USH2A: variants seen among roughly 807,000 people sequenced by gnomAD.
USH2A encodes the protein Usher syndrome 2A (autosomal recessive, mild).
In USH2A, 443 loss-of-function variants were observed where a neutral mutation model predicts 538.9. The observed-to-expected ratio is 0.82, with a 90% confidence interval of 0.76 to 0.89. USH2A has a LOEUF of 0.89. USH2A is among the 40% of genes least tolerant of loss of function. The pLI is 0.00. For synonymous variants in USH2A, 2,413 were observed against 2,273.5 expected (o/e 1.06, Z -1.75); for missense variants, 6,633 against 6,324.8 (o/e 1.05, Z -1.65).
Position 216,084,562 on chromosome 1 carries a change from C to A in USH2A, c.5167+136G>T. 5 of 849,028 alleles carry A rather than the reference C, an allele frequency of 5.9e-6. No homozygotes were observed. The South Asian group carries it at 8.3e-5, about 14-fold the overall frequency. The allele number at this position is 849,028 out of a possible 1,614,324, so 52.6% of individuals were successfully genotyped here. A position where few individuals can be genotyped will look rare whatever the true frequency, so the allele number is the denominator to read the frequency against. On this transcript the variant is annotated intron_variant, in intron 25 of 71. Transcript: ENST00000307340. ...CAGATGTCAAGAATATATTTGTGTG[C>A]ACCATTGGAATAACTAAGTATTTCT...
intron 3 of USH2A, among the ~76,000 whole-genome samples, chr1:216,375,647 G>A (rs897168095): frequency 3.3e-5 from 5 of 151,992 alleles, no homozygotes; most frequent in Admixed American, 2.0e-4. Context: ...TCATTTTTGT[G>A]GTCATTAGAG....
At chr1:215,836,505 ATTATATATATATAATATATATT>A (rs1663513166) in intron 47 of USH2A, among the ~76,000 whole-genome samples, 1 of 16,806 alleles carries the variant, frequency 6.0e-5, no homozygotes, top group African/African-American at 2.2e-4. Flanking sequence ...TATAATATAT[ATTATATATATATAATATATATT>A]ATATATATAT....
chr1:216,415,307 T>A (rs1239127999), intron 3 of USH2A, among the ~76,000 whole-genome samples: 1 of 152,044 alleles, frequency 6.6e-6, no homozygotes, highest in South Asian at 2.1e-4. Context: ...ATGACTCAGT[T>A]TGAGACGTCA....
chr1:215,760,315 C>T (rs982721407), intron 56 of USH2A, among the ~76,000 whole-genome samples: 35 of 152,214 alleles, frequency 2.3e-4, no homozygotes, highest in African/African-American at 6.0e-4. Context: ...ATCTCTTCCC[C>T]TCCTGGACCT....
intron 34 of USH2A, among the ~76,000 whole-genome samples, chr1:215,994,747 C>A (rs1271919674): frequency 6.6e-6 from 1 of 152,110 alleles, no homozygotes. Flanking sequence ...CAAACTCTGA[C>A]TCAAAGCTTT....
chr1:216,149,072 C>T (rs1027059963), intron 21 of USH2A, among the ~76,000 whole-genome samples: 1 of 152,102 alleles, frequency 6.6e-6, no homozygotes, highest in African/African-American at 2.4e-5. Context: ...CAACTCCTTT[C>T]CTTCCTAGGC....
chr1:216,287,804 G>T (rs1017748051), intron 11 of USH2A, among the ~76,000 whole-genome samples: 1 of 152,092 alleles, frequency 6.6e-6, no homozygotes, highest in African/African-American at 2.4e-5. Flanking sequence ...GATTTTCAGG[G>T]AGAAAAACTG....
intron 32 of USH2A, among the ~76,000 whole-genome samples, chr1:216,012,651 C>T (rs1468101250): frequency 2.0e-5 from 3 of 152,082 alleles, no homozygotes; most frequent in South Asian, 2.1e-4. Context: ...TACGGTCCTC[C>T]GTCTTCAGGA....
At chr1:216,030,681 A>T (rs1669102739) in intron 32 of USH2A, among the ~76,000 whole-genome samples, 4 of 149,004 alleles carry the variant, frequency 2.7e-5, no homozygotes, top group Non-Finnish European at 5.9e-5. Context: ...GATAATATCA[A>T]ATATACTGTT....
intron 25 of USH2A, among the ~76,000 whole-genome samples, chr1:216,084,391 T>G (rs1370166918): frequency 1.3e-5 from 2 of 152,164 alleles, no homozygotes; most frequent in East Asian, 3.8e-4. Context: ...TAAGTACACC[T>G]CTCTAACTGC....
At chr1:216,000,685 A>T in intron 32 of USH2A, 123 bp from the exon 33 acceptor site, 2 of 1,231,538 alleles carry the variant, frequency 1.6e-6, no homozygotes, top group African/African-American at 1.5e-5. Flanking sequence ...ATGAATAAAT[A>T]GCCATAAAAA....
intron 30 of USH2A, among the ~76,000 whole-genome samples, chr1:216,067,144 A>G (rs1423195506): frequency 6.6e-6 from 1 of 152,240 alleles, no homozygotes; most frequent in Non-Finnish European, 1.5e-5. Context: ...CATCATTCTC[A>G]GCAAACTAAC....
chr1:216,144,850 A>T (rs2033664827), intron 21 of USH2A, among the ~76,000 whole-genome samples: 1 of 152,106 alleles, frequency 6.6e-6, no homozygotes, highest in African/African-American at 2.4e-5. Context: ...CCCTTAGTCC[A>T]TTCTCAGGTC....
At chr1:215,771,926 C>CT (rs768216524) in intron 55 of USH2A, among the ~76,000 whole-genome samples, 7 of 152,070 alleles carry the variant, frequency 4.6e-5, no homozygotes, top group Non-Finnish European at 8.8e-5. Context: ...CATATTCTAT[C>CT]TTTTAGTTTT....
chr1:215,813,221 T>C (rs1375571539), intron 49 of USH2A, among the ~76,000 whole-genome samples: 1 of 152,124 alleles, frequency 6.6e-6, no homozygotes, highest in African/African-American at 2.4e-5. Context: ...AAGGAAAAAA[T>C]CCAGTTTGCT....
At chr1:215,793,305 A>G (rs1662033380) in intron 50 of USH2A, among the ~76,000 whole-genome samples, 1 of 152,170 alleles carries the variant, frequency 6.6e-6, no homozygotes, top group African/African-American at 2.4e-5. Flanking sequence ...AATATGACAA[A>G]TCATTGTGAA....
At chr1:216,149,310 G>A (rs917343590) in intron 21 of USH2A, among the ~76,000 whole-genome samples, 95 of 152,178 alleles carry the variant, frequency 6.2e-4, no homozygotes, top group African/African-American at 1.9e-3. Flanking sequence ...ATAATTCCCC[G>A]GTTTGGCCTT....
At chr1:216,127,237 C>T (rs446247) in intron 21 of USH2A, among the ~76,000 whole-genome samples, 143,566 of 152,288 alleles carry the variant, frequency 0.94, 67,760 homozygotes, top group African/African-American at 0.98. Flanking sequence ...TCAAGTTCTT[C>T]TTAACGGCAT....
At chr1:216,297,845 ATTAC>A (rs1262809866) in intron 9 of USH2A, among the ~76,000 whole-genome samples, 1 of 152,120 alleles carries the variant, frequency 6.6e-6, no homozygotes, top group Non-Finnish European at 1.5e-5. Flanking sequence ...AGACATAACT[ATTAC>A]TTCTTCTAGT....
Sources: gnomAD v4.1 joint callset for allele counts (sites outside exome capture counted in the v4.1 genomes callset) on GRCh38, gnomAD v4.1.1 for gene constraint, MANE v1.5 for transcripts, NCBI Gene and HGNC (gene_info 2026-07-23, HGNC 2026-07-21) for gene names.